The following FTCDNL1 variants were observed in gnomAD, a reference collection of about 807,000 sequenced individuals.
FTCDNL1 encodes the protein formiminotransferase cyclodeaminase N-terminal like, also known as formiminotransferase N-terminal subdomain-containing protein.
Under a neutral mutation model 5.9 loss-of-function variants are expected in FTCDNL1, and 11 were observed. The observed-to-expected ratio is 1.87, with a 90% CI of 1.18 to 3.10. The LOEUF is 3.10. FTCDNL1 is among the 30% of genes most tolerant of loss of function. The pLI, the probability that FTCDNL1 is intolerant of heterozygous loss-of-function variation, is 0.00. For synonymous variants in FTCDNL1, 58 were observed against 24.8 expected (o/e 2.34, Z -3.99); for missense variants, 115 against 65.5 (o/e 1.76, Z -2.61).
chr2:199,845,358 G>A (rs922173248), intron 3 of FTCDNL1, among the ~76,000 whole-genome samples: 4 of 152,048 alleles, frequency 2.6e-5, no homozygotes, highest in South Asian at 2.1e-4. Context: ...CTTGAGGTCA[G>A]GAGTTTGAGA....
chr2:199,750,355 C>CTAAA, the FTCDNL1 span, among the ~76,000 whole-genome samples: 2,290 of 148,712 alleles, frequency 0.015, 47 homozygotes, highest in African/African-American at 0.052. Context: ...GAAATGTTGT[C>CTAAA]TAAATAAATA....
intron 3 of FTCDNL1, among the ~76,000 whole-genome samples, chr2:199,768,626 A>T (rs755613066): frequency 6.6e-6 from 1 of 152,262 alleles, no homozygotes; most frequent in Non-Finnish European, 1.5e-5. Flanking sequence ...GGAAAAGCAG[A>T]CCAATTAAAG....
chr2:199,668,792 A>G, the FTCDNL1 span, among the ~76,000 whole-genome samples: 2 of 152,120 alleles, frequency 1.3e-5, no homozygotes, highest in African/African-American at 4.8e-5. Context: ...AATTGCAAAG[A>G]GTAGAGAGAA....
At chr2:199,776,917 T>G (rs1296985107) in intron 3 of FTCDNL1, among the ~76,000 whole-genome samples, 9 of 48,086 alleles carry the variant, frequency 1.9e-4, no homozygotes, top group Non-Finnish European at 5.3e-4. Context: ...TATGTGTATG[T>G]ATATATATAT....
chr2:199,805,399 C>A (rs1197657938), downstream of FTCDNL1, among the ~76,000 whole-genome samples: 1 of 152,056 alleles, frequency 6.6e-6, no homozygotes, highest in Non-Finnish European at 1.5e-5. Flanking sequence ...CAGTTTAAGA[C>A]CAGCCTGGGC....
At chr2:199,690,866 C>T in the FTCDNL1 span, among the ~76,000 whole-genome samples, 1 of 152,046 alleles carries the variant, frequency 6.6e-6, no homozygotes, top group Non-Finnish European at 1.5e-5. Context: ...GTTCATAGAC[C>T]ACTTTGTCCA....
At chr2:199,834,994 C>A (rs1164746907) in intron 3 of FTCDNL1, among the ~76,000 whole-genome samples, 1 of 151,744 alleles carries the variant, frequency 6.6e-6, no homozygotes. Flanking sequence ...GGCAACATAG[C>A]AAGACCCTGT....
intron 3 of FTCDNL1, among the ~76,000 whole-genome samples, chr2:199,797,443 A>C (rs1044936946): frequency 1.3e-5 from 2 of 152,214 alleles, no homozygotes; most frequent in African/African-American, 4.8e-5. Context: ...TTTAAAATCA[A>C]AGAAATCTGT....
chr2:199,681,623 C>T, the FTCDNL1 span, among the ~76,000 whole-genome samples: 2 of 152,096 alleles, frequency 1.3e-5, no homozygotes, highest in African/African-American at 4.8e-5. Context: ...AAGAAGTATG[C>T]TCCCTGCAGT....
At chr2:199,701,059 G>C in the FTCDNL1 span, among the ~76,000 whole-genome samples, 1 of 151,962 alleles carries the variant, frequency 6.6e-6, no homozygotes, top group Non-Finnish European at 1.5e-5. Context: ...TTTCTAAACA[G>C]AACTAACATC....
At chr2:199,806,273 C>T (rs1057246804), downstream of FTCDNL1, among the ~76,000 whole-genome samples, 1 of 152,142 alleles carries the variant, frequency 6.6e-6, no homozygotes, top group African/African-American at 2.4e-5. Flanking sequence ...TCCTAACCCC[C>T]CAAGCACAAC....
chr2:199,763,303 C>A (rs976214073), intron 3 of FTCDNL1, among the ~76,000 whole-genome samples: 1 of 152,184 alleles, frequency 6.6e-6, no homozygotes, highest in Non-Finnish European at 1.5e-5. Flanking sequence ...GTCCTCTCCC[C>A]CAGCGTGACT....
At chr2:199,687,643 T>C in the FTCDNL1 span, among the ~76,000 whole-genome samples, 3 of 152,076 alleles carry the variant, frequency 2.0e-5, no homozygotes, top group Non-Finnish European at 4.4e-5. Flanking sequence ...GCTAAATATA[T>C]ATGGCCCAGG....
chr2:199,745,492 A>G, the FTCDNL1 span, among the ~76,000 whole-genome samples: 3 of 152,226 alleles, frequency 2.0e-5, no homozygotes, highest in African/African-American at 7.2e-5. Context: ...TTTTCCCAAT[A>G]GAGATGTTGA....
chr2:199,839,053 T>C (rs2076508924), intron 3 of FTCDNL1, among the ~76,000 whole-genome samples: 2 of 151,988 alleles, frequency 1.3e-5, no homozygotes, highest in African/African-American at 4.8e-5. Flanking sequence ...CATGTCAGCC[T>C]ACAGTTGACA....
chr2:199,697,584 G>A, the FTCDNL1 span, among the ~76,000 whole-genome samples: 2 of 152,100 alleles, frequency 1.3e-5, no homozygotes, highest in East Asian at 3.9e-4. Flanking sequence ...AAATGCTAAG[G>A]GAATTCATTA....
At chr2:199,752,340 C>A in the FTCDNL1 span, among the ~76,000 whole-genome samples, 21 of 152,328 alleles carry the variant, frequency 1.4e-4, no homozygotes, top group Non-Finnish European at 2.4e-4. Flanking sequence ...CAAATTTACA[C>A]CCTGTGGTGG....
the FTCDNL1 span, among the ~76,000 whole-genome samples, chr2:199,705,713 T>A: frequency 1.3e-5 from 2 of 152,152 alleles, no homozygotes; most frequent in African/African-American, 4.8e-5. Context: ...TGTGTGTAGA[T>A]GCACTTTATC....
chr2:199,782,734 G>T (rs757378775), intron 3 of FTCDNL1, among the ~76,000 whole-genome samples: 44 of 152,166 alleles, frequency 2.9e-4, no homozygotes, highest in Admixed American at 1.2e-3. Context: ...TCAGTTTCTA[G>T]CTCATTACTT....
Sources: allele counts gnomAD v4.1 joint callset (sites outside exome capture counted in the v4.1 genomes callset), GRCh38; gene constraint gnomAD v4.1.1; transcripts MANE v1.5; gene names NCBI Gene and HGNC (gene_info 2026-07-23, HGNC 2026-07-21).